Variants in ROR2 observed in about 807,000 individuals in gnomAD.
ROR2 encodes tyrosine-protein kinase transmembrane receptor ROR2.
In ROR2, 33 loss-of-function variants were observed where a neutral mutation model predicts 74.9. The ratio of observed to expected loss-of-function variants is 0.44; its 90% confidence interval spans 0.33 to 0.59. ROR2 has a LOEUF of 0.59. ROR2 is among the 20% of genes least tolerant of loss of function. The pLI, the probability that ROR2 is intolerant of heterozygous loss-of-function variation, is 0.02. For missense variants in ROR2, 1,216 were observed against 1,313.8 expected, an observed-to-expected ratio of 0.93 and a Z score of 1.15; for synonymous variants, 586 against 558.7, an observed-to-expected ratio of 1.05 and a Z score of -0.69.
At chr9:91,804,706 A>G (rs138171840) in intron 1 of ROR2, among the ~76,000 whole-genome samples, 27 of 152,258 alleles carry the variant, frequency 1.8e-4, no homozygotes, top group Non-Finnish European at 3.7e-4. Context: ...GCCAATCTTT[A>G]GAGATGAAAC....
At chr9:91,757,039 G>C (rs1418714888) in intron 3 of ROR2, among the ~76,000 whole-genome samples, 1 of 152,020 alleles carries the variant, frequency 6.6e-6, no homozygotes, top group Non-Finnish European at 1.5e-5. Flanking sequence ...CAAAGTGCTG[G>C]AATTACAGGC....
chr9:91,733,542 CCT>C lies in ROR2; in HGVS notation c.623-108_623-107del, dbSNP rs1428496108. 22 of 1,253,426 alleles carry C rather than the reference CCT, an allele frequency of 1.8e-5. No homozygotes were observed. Among genetic ancestry groups the C allele is most frequent in the Middle Eastern group, 2.6e-4 (1 of 3,898 alleles). 77.6% of individuals were successfully genotyped at this position (1,253,426 alleles called of 1,614,324 possible). A position where few individuals can be genotyped will look rare whatever the true frequency, so the allele number is the denominator to read the frequency against. ...GCATCCCAGACTGCCCACTCAGCCC[CCT>C]GATGCCCCGCCCCGCCCCAGACTCC... On this transcript the variant is annotated intron_variant, in intron 5 of 8. Coordinates refer to ENST00000375708, the MANE Select transcript of ROR2 (RefSeq NM_004560.4). The surrounding 1 kb of genome is among the most constrained non-coding windows in gnomAD (Gnocchi z 5.7).
chr9:91,915,013 A>T (rs567287375), intron 1 of ROR2, among the ~76,000 whole-genome samples: 1 of 152,148 alleles, frequency 6.6e-6, no homozygotes, highest in African/African-American at 2.4e-5. Context: ...TGGAATCATC[A>T]CTGCTTCTAG....
chr9:91,930,361 T>C (rs1587855296), intron 1 of ROR2, among the ~76,000 whole-genome samples: 1 of 152,250 alleles, frequency 6.6e-6, no homozygotes, highest in East Asian at 1.9e-4. Flanking sequence ...GCATTTACCC[T>C]GTTTGGAAAA....
At chr9:91,734,830 G>C (rs1824968892) in intron 5 of ROR2, among the ~76,000 whole-genome samples, 1 of 152,222 alleles carries the variant, frequency 6.6e-6, no homozygotes, top group Admixed American at 6.5e-5. Flanking sequence ...TCCTGATTGT[G>C]TGCAGGCACT....
chr9:91,949,920 A>T lies in ROR2; in HGVS notation c.44T>A (p.Ile15Asn). ...SALPRRPLLC[I>N]PAVWAAAALL... ...CGCGGCGGCCGCCCAGACGGCCGGG[A>T]TGCACAGCAGCGGCCGCCGCGGGAG... The change falls in exon 1 of 9, where the codon ATC (isoleucine) becomes AAC (asparagine). Residue 15 changes from isoleucine (I) to asparagine (N), a missense_variant. Ile to Asn is a moderately radical substitution (Grantham distance 149). Coordinates refer to ENST00000375708, the MANE Select transcript of ROR2 (RefSeq NM_004560.4). The T allele has an allele frequency of 6.5e-7, 1 of 1,536,310 alleles. No homozygotes were observed. The highest frequency in any genetic ancestry group is 8.8e-7 in the Non-Finnish European group (1 of 1,141,932).
chr9:91,843,606 G>T (rs113542085), intron 1 of ROR2, among the ~76,000 whole-genome samples: 1 of 152,284 alleles, frequency 6.6e-6, no homozygotes, highest in Non-Finnish European at 1.5e-5. Context: ...CCACTAGCTT[G>T]CTCGCACTTA....
intron 4 of ROR2, among the ~76,000 whole-genome samples, chr9:91,740,507 A>C (rs1387250746): frequency 6.7e-6 from 1 of 148,732 alleles, no homozygotes; most frequent in Non-Finnish European, 1.5e-5. Flanking sequence ...AGCCGAGAAT[A>C]CGCCACTGCA....
rs145651314 is a variant in ROR2, at chr9:91,775,793, G to A, written c.123C>T (p.Asn41=). ...TSGEVEVLDP[N]DPLGPLDGQD... is the part of the protein sequence containing the mutation. ...GCCCATCAAGGGGTCCTAAAGGGTC[G>A]TTCGGATCCAGAACCTCCACTTCAC... The change falls in exon 2 of 9, where the codon AAC becomes AAT. Residue 41 remains asparagine (N), a synonymous_variant. Coordinates refer to ENST00000375708, the MANE Select transcript of ROR2 (RefSeq NM_004560.4). 26 of 1,614,186 alleles carry A rather than the reference G, an allele frequency of 1.6e-5. No homozygotes were observed. In the South Asian group the frequency reaches 1.9e-4, roughly 12 times the overall value.
intron 1 of ROR2, among the ~76,000 whole-genome samples, chr9:91,788,104 AG>A (rs2118991842): frequency 6.6e-6 from 1 of 152,328 alleles, no homozygotes; most frequent in East Asian, 1.9e-4. Flanking sequence ...ACTCAACAAC[AG>A]ATTTGAGCAG....
intron 1 of ROR2, among the ~76,000 whole-genome samples, chr9:91,908,070 G>A (rs573661543): frequency 6.6e-6 from 1 of 151,636 alleles, no homozygotes; most frequent in East Asian, 1.9e-4. Flanking sequence ...ATGACAAAAA[G>A]TTGGATAAGA....
chr9:91,828,865 G>A (rs559032894), intron 1 of ROR2, among the ~76,000 whole-genome samples: 1 of 152,296 alleles, frequency 6.6e-6, no homozygotes, highest in South Asian at 2.1e-4. Context: ...AATTAGCCTT[G>A]ATATTAAAGA....
intron 1 of ROR2, among the ~76,000 whole-genome samples, chr9:91,876,130 T>G (rs1361144434): frequency 1.3e-5 from 2 of 151,954 alleles, no homozygotes. Flanking sequence ...CCCAGCACTT[T>G]GGGAGGCCAA....
At chr9:91,897,381 T>C (rs1830561619) in intron 1 of ROR2, among the ~76,000 whole-genome samples, 1 of 152,266 alleles carries the variant, frequency 6.6e-6, no homozygotes, top group Admixed American at 6.5e-5. Flanking sequence ...CCAGGTCTTC[T>C]GGCATGTTCT....
At chr9:91,852,624 A>AAC (rs59759515) in intron 1 of ROR2, among the ~76,000 whole-genome samples, 14 of 123,924 alleles carry the variant, frequency 1.1e-4, no homozygotes, top group Non-Finnish European at 9.7e-5. Flanking sequence ...AAAACACACA[A>AAC]ACACACACAC....
At chr9:91,841,259 T>C (rs910917652) in intron 1 of ROR2, among the ~76,000 whole-genome samples, 13 of 152,230 alleles carry the variant, frequency 8.5e-5, no homozygotes, top group Non-Finnish European at 1.6e-4. Context: ...CATTAATAAA[T>C]ACATGAGTCC....
intron 1 of ROR2, among the ~76,000 whole-genome samples, chr9:91,910,490 A>T (rs918368974): frequency 2.0e-5 from 3 of 152,212 alleles, no homozygotes; most frequent in Admixed American, 2.0e-4. Context: ...ACTACATCAA[A>T]CTTAAAAACA....
At chr9:91,877,947 T>C (rs1587812816) in intron 1 of ROR2, among the ~76,000 whole-genome samples, 2 of 152,310 alleles carry the variant, frequency 1.3e-5, no homozygotes, top group Non-Finnish European at 2.9e-5. Flanking sequence ...ATCAATTATT[T>C]TCTCATCAAA....
intron 4 of ROR2, among the ~76,000 whole-genome samples, chr9:91,738,848 G>A (rs946624030): frequency 4.6e-5 from 7 of 152,218 alleles, no homozygotes; most frequent in Non-Finnish European, 1.0e-4. Context: ...GCATGGATGG[G>A]AAGATGGGGT....
Sources: allele counts gnomAD v4.1 joint callset (sites outside exome capture counted in the v4.1 genomes callset), GRCh38; gene constraint gnomAD v4.1.1; non-coding constraint Gnocchi (gnomAD v3.1); transcripts MANE v1.5; gene names NCBI Gene and HGNC (gene_info 2026-07-23, HGNC 2026-07-21).